CACNA1E: variants seen among roughly 807,000 people sequenced by gnomAD.
CACNA1E encodes calcium voltage-gated channel subunit alpha1 E, also known as voltage-dependent R-type calcium channel subunit alpha-1E.
A neutral mutation model predicts 259.2 loss-of-function variants in CACNA1E; 40 were observed. The ratio of observed to expected loss-of-function variants is 0.15; its 90% CI spans 0.12 to 0.20. CACNA1E has a LOEUF of 0.20. Ranked by LOEUF, CACNA1E falls within the 10% of genes least tolerant of loss-of-function variation. The pLI, the probability that CACNA1E is intolerant of heterozygous loss-of-function variation, is 1.00. For missense variants in CACNA1E, 1,874 were observed against 3,040.1 expected (o/e 0.62, Z 9.02); for synonymous variants, 1,104 against 1,138.5 (o/e 0.97, Z 0.61).
At chr1:181,645,885 C>T (rs1368656797) in intron 6 of CACNA1E, among the ~76,000 whole-genome samples, 1 of 152,178 alleles carries the variant, frequency 6.6e-6, no homozygotes, top group Non-Finnish European at 1.5e-5. Flanking sequence ...GAATCCAAGT[C>T]CCTCGGGGTG....
At chr1:181,563,119 C>T (rs947190278) in intron 3 of CACNA1E, among the ~76,000 whole-genome samples, 4 of 152,146 alleles carry the variant, frequency 2.6e-5, no homozygotes, top group Non-Finnish European at 1.5e-5. Context: ...CGACAGACAG[C>T]TGATATTTTA....
intron 3 of CACNA1E, among the ~76,000 whole-genome samples, chr1:181,539,182 CTATT>C (rs1303449059): frequency 6.6e-6 from 1 of 152,210 alleles, no homozygotes; most frequent in Non-Finnish European, 1.5e-5. Flanking sequence ...CCATTTCCTT[CTATT>C]TTCCGTTACT....
At chr1:181,685,029 G>C (rs1196380045) in intron 7 of CACNA1E, among the ~76,000 whole-genome samples, 1 of 151,956 alleles carries the variant, frequency 6.6e-6, no homozygotes, top group Non-Finnish European at 1.5e-5. Flanking sequence ...GAGATTCTCT[G>C]TAAGTTTTTC....
At chr1:181,597,101 C>T (rs936843786) in intron 6 of CACNA1E, among the ~76,000 whole-genome samples, 1 of 152,168 alleles carries the variant, frequency 6.6e-6, no homozygotes. Flanking sequence ...TCTCTCATTC[C>T]TTTCCTGGTT....
At chr1:181,385,172 A>G (rs1470854696) in intron 1 of CACNA1E, among the ~76,000 whole-genome samples, 1 of 152,202 alleles carries the variant, frequency 6.6e-6, no homozygotes, top group Non-Finnish European at 1.5e-5. Flanking sequence ...TTCTCCTTTC[A>G]TCTATAAATT....
Position 181,806,126 on chromosome 1 carries a change from C to G in CACNA1E, c.*7292C>G, listed in dbSNP as rs1481071619. 6.6e-6 allele frequency: 1 copy of G among 152,144 alleles called. No homozygotes were observed. Among genetic ancestry groups the G allele is most frequent in the Non-Finnish European group, 1.5e-5 (1 of 68,024 alleles). The allele number at this position is 152,144 out of a possible 1,614,324, so 9.4% of individuals were successfully genotyped here. A position where few individuals can be genotyped will look rare whatever the true frequency, so the allele number is the denominator to read the frequency against. ...GAAAGAGGTTCTTGCTTTAAAGCGGCTCGAAGACAATCTTTATGACTTCAG... is the reference window on the plus strand; with the variant it reads ...GAAAGAGGTTCTTGCTTTAAAGCGGGTCGAAGACAATCTTTATGACTTCAG... On this transcript the variant is annotated 3_prime_UTR_variant, in exon 48 of 48. Transcript: ENST00000367573.
chr1:181,442,610 T>G (rs1317443877), intron 2 of CACNA1E, among the ~76,000 whole-genome samples: 1 of 152,194 alleles, frequency 6.6e-6, no homozygotes, highest in Non-Finnish European at 1.5e-5. Context: ...CAGCACAGCC[T>G]ATTGCCCAGA....
intron 3 of CACNA1E, among the ~76,000 whole-genome samples, chr1:181,517,453 T>G (rs151225689): frequency 6.6e-6 from 1 of 152,208 alleles, no homozygotes; most frequent in African/African-American, 2.4e-5. Flanking sequence ...GGTTCACTAT[T>G]TCACTGTTTC....
At chr1:181,536,996 GC>G (rs1558100308) in intron 3 of CACNA1E, among the ~76,000 whole-genome samples, 1 of 152,006 alleles carries the variant, frequency 6.6e-6, no homozygotes, top group Non-Finnish European at 1.5e-5. Context: ...GATCCCAGTG[GC>G]CACCCTCTGT....
At chr1:181,441,041 C>A (rs2102295209) in intron 2 of CACNA1E, among the ~76,000 whole-genome samples, 1 of 133,934 alleles carries the variant, frequency 7.5e-6, no homozygotes, top group East Asian at 2.5e-4. Context: ...TTCCCAAAGT[C>A]TGGAAAAGCA....
intron 6 of CACNA1E, among the ~76,000 whole-genome samples, chr1:181,649,262 C>T (rs1658546111): frequency 6.6e-6 from 1 of 152,190 alleles, no homozygotes; most frequent in Non-Finnish European, 1.5e-5. Context: ...CCATCTTACA[C>T]ACTGAAATTG....
intron 2 of CACNA1E, among the ~76,000 whole-genome samples, chr1:181,464,482 G>C (rs1662024774): frequency 1.3e-5 from 2 of 151,478 alleles, no homozygotes; most frequent in Non-Finnish European, 2.9e-5. Context: ...GCTTTTGCAT[G>C]GTGTCTTCTT....
At chr1:181,631,482 C>T (rs1656732583) in intron 6 of CACNA1E, among the ~76,000 whole-genome samples, 1 of 152,178 alleles carries the variant, frequency 6.6e-6, no homozygotes, top group Admixed American at 6.5e-5. Flanking sequence ...TCACAGTGTG[C>T]TCCCCCAGCA....
At chr1:181,489,620 C>T (rs1007533251) in intron 1 of CACNA1E, among the ~76,000 whole-genome samples, 1 of 152,186 alleles carries the variant, frequency 6.6e-6, no homozygotes, top group Non-Finnish European at 1.5e-5. Context: ...GCCTTTTCTA[C>T]TCAGAGACTG....
chr1:181,439,377 G>A (rs1478822618), intron 2 of CACNA1E, among the ~76,000 whole-genome samples: 1 of 149,942 alleles, frequency 6.7e-6, no homozygotes, highest in Non-Finnish European at 1.5e-5. Context: ...CAAGTTTCAT[G>A]CCCTGCTTGA....
At chr1:181,371,288 A>AT (rs747433551) in intron 1 of CACNA1E, among the ~76,000 whole-genome samples, 4 of 151,386 alleles carry the variant, frequency 2.6e-5, no homozygotes, top group Admixed American at 2.0e-4. Flanking sequence ...GTTTATTTTT[A>AT]TTTTTTGCCA....
intron 2 of CACNA1E, among the ~76,000 whole-genome samples, chr1:181,418,277 A>G (rs1029055473): frequency 6.6e-6 from 1 of 152,064 alleles, no homozygotes. Flanking sequence ...GTACAGGTGA[A>G]AGTGTTTTGT....
At chr1:181,549,667 G>A (rs754643711) in intron 3 of CACNA1E, among the ~76,000 whole-genome samples, 3 of 152,218 alleles carry the variant, frequency 2.0e-5, no homozygotes, top group Non-Finnish European at 2.9e-5. Flanking sequence ...CATCGTGCTT[G>A]CTGGAGCAAT....
chr1:181,407,260 G>T (rs145588775), intron 1 of CACNA1E, among the ~76,000 whole-genome samples: 1 of 152,208 alleles, frequency 6.6e-6, no homozygotes, highest in Non-Finnish European at 1.5e-5. Context: ...GAGCTTTGCA[G>T]GGAGTGGGGG....
Sources: allele counts gnomAD v4.1 joint callset (sites outside exome capture counted in the v4.1 genomes callset), GRCh38; gene constraint gnomAD v4.1.1; transcripts MANE v1.5; gene names NCBI Gene and HGNC (gene_info 2026-07-23, HGNC 2026-07-21).